The following OR9Q1 variants were observed in gnomAD, a reference collection of about 807,000 sequenced individuals.
OR9Q1 encodes olfactory receptor family 9 subfamily Q member 1.
For missense variants in OR9Q1, 374 were observed against 378.8 expected (o/e 0.99, Z 0.11); for synonymous variants, 153 against 148.6 (o/e 1.03, Z -0.22).
At chr11:58,043,400 G>T (rs1853185616) in intron 1 of OR9Q1, among the ~76,000 whole-genome samples, 1 of 152,082 alleles carries the variant, frequency 6.6e-6, no homozygotes, top group African/African-American at 2.4e-5. Flanking sequence ...TTGTCTATTT[G>T]TCTATTCATT....
intron 2 of OR9Q1, among the ~76,000 whole-genome samples, chr11:58,067,709 A>T (rs1472631731): frequency 6.6e-6 from 1 of 152,192 alleles, no homozygotes; most frequent in African/African-American, 2.4e-5. Flanking sequence ...CACATACAGC[A>T]GGAATGCTCT....
At chr11:58,043,330 C>T (rs140125680) in intron 1 of OR9Q1, among the ~76,000 whole-genome samples, 27 of 152,302 alleles carry the variant, frequency 1.8e-4, no homozygotes, top group Middle Eastern at 6.8e-3. Context: ...TCATCCAAAC[C>T]TGTGGCTTCA....
intron 1 of OR9Q1, among the ~76,000 whole-genome samples, chr11:58,037,227 T>G (rs184877185): frequency 1.3e-5 from 2 of 152,342 alleles, no homozygotes; most frequent in Non-Finnish European, 2.9e-5. Flanking sequence ...TAAAGTATTT[T>G]TAAAATTAAG....
chr11:58,060,543 T>C (rs1022441519), intron 2 of OR9Q1, among the ~76,000 whole-genome samples: 1 of 152,134 alleles, frequency 6.6e-6, no homozygotes, highest in African/African-American at 2.4e-5. Context: ...TGATTTCTGG[T>C]GGGCAGACCT....
intron 2 of OR9Q1, among the ~76,000 whole-genome samples, chr11:58,168,546 A>C (rs1854526639): frequency 6.6e-6 from 1 of 151,982 alleles, no homozygotes; most frequent in Non-Finnish European, 1.5e-5. Context: ...CACCTCTACA[A>C]ACTGTGTTTT....
chr11:58,042,377 T>C (rs897045784), intron 1 of OR9Q1, among the ~76,000 whole-genome samples: 9 of 152,046 alleles, frequency 5.9e-5, no homozygotes, highest in African/African-American at 1.9e-4. Context: ...TAGCCAGTTT[T>C]CCCAGCACCA....
chr11:58,133,824 G>T (rs968923899), intron 2 of OR9Q1, among the ~76,000 whole-genome samples: 2 of 152,166 alleles, frequency 1.3e-5, no homozygotes, highest in Admixed American at 1.3e-4. Flanking sequence ...AACAGGTAGG[G>T]TCTAAAATAG....
rs184603138 is a variant in OR9Q1 at position 58,118,196 on chromosome 11, T to C, written c.-14-61235T>C. 9.9e-5 allele frequency: 22 copies of C among 222,468 alleles called. No individual in the cohort carries two copies. The Admixed American group carries it at 1.2e-3, about 12-fold the overall frequency. 13.8% of individuals were successfully genotyped at this position (222,468 alleles called of 1,614,324 possible). A position where few individuals can be genotyped will look rare whatever the true frequency, so the allele number is the denominator to read the frequency against. On this transcript the variant is annotated intron_variant, in intron 2 of 2. Coordinates refer to ENST00000335397, the MANE Select transcript of OR9Q1 (RefSeq NM_001005212.4). ...AGGCATGAGTTGAGAGAGTATTGGG[T>C]TGGAATGAAATAAACTCAAGACTCC...
In OR9Q1 at chr11:58,031,715, T is replaced by A. The variant is rs1192913502; in HGVS notation, c.-93+7611T>A. 5 of 1,613,938 alleles carry A rather than the reference T, an allele frequency of 3.1e-6. No homozygotes were observed. In the African/African-American group the frequency reaches 5.3e-5, roughly 17 times the overall value. On this transcript the variant is annotated intron_variant, in intron 1 of 2. Coordinates refer to ENST00000335397, the MANE Select transcript of OR9Q1 (RefSeq NM_001005212.4). The stretch of plus-strand genomic sequence containing the variant: ...AGCTCACCTGACTGTGGTGAGCCTC[T>A]TCTATGGCACTCTTTTCTTTATGTA...
chr11:58,086,555 C>T (rs1192163487), intron 2 of OR9Q1, among the ~76,000 whole-genome samples: 1 of 151,822 alleles, frequency 6.6e-6, no homozygotes, highest in East Asian at 1.9e-4. Flanking sequence ...AATCTACCAT[C>T]CCATGTTCAT....
At chr11:58,122,649 C>G (rs996043751) in intron 2 of OR9Q1, among the ~76,000 whole-genome samples, 1 of 152,128 alleles carries the variant, frequency 6.6e-6, no homozygotes, top group Non-Finnish European at 1.5e-5. Flanking sequence ...GGCCTTTACT[C>G]CTCAGTTCCT....
At chr11:58,024,433 TGC>T (rs1240054787) in intron 1 of OR9Q1, among the ~76,000 whole-genome samples, 1 of 152,310 alleles carries the variant, frequency 6.6e-6, no homozygotes, top group East Asian at 1.9e-4. Flanking sequence ...GGCCCCCAGA[TGC>T]CAGGTGGAGA....
intron 2 of OR9Q1, among the ~76,000 whole-genome samples, chr11:58,084,228 T>A (rs1278580528): frequency 6.6e-6 from 1 of 151,928 alleles, no homozygotes; most frequent in South Asian, 2.1e-4. Context: ...TTATTATAAA[T>A]GGGATTATGT....
At chr11:58,066,422 G>A (rs1438747349) in intron 2 of OR9Q1, among the ~76,000 whole-genome samples, 2 of 152,088 alleles carry the variant, frequency 1.3e-5, no homozygotes, top group African/African-American at 4.8e-5. Context: ...TGTTGTCAGA[G>A]CGTCTGTGCC....
intron 2 of OR9Q1, chr11:58,108,964 C>A (rs7935428): frequency 0.23 from 89,946 of 394,746 alleles, 11,737 homozygotes; most frequent in Middle Eastern, 0.34. Flanking sequence ...CTTGGCTTAC[C>A]CACCTGCCGA....
At chr11:58,156,626 T>A (rs1854410551) in intron 2 of OR9Q1, among the ~76,000 whole-genome samples, 1 of 152,210 alleles carries the variant, frequency 6.6e-6, no homozygotes. Flanking sequence ...AAACATGTAT[T>A]TTCTTTATGA....
rs77797798 is a variant in OR9Q1, at chr11:58,114,213, A to G, written c.-15+58266A>G. 3.0e-4 allele frequency among the ~76,000 whole-genome samples: 45 copies of G among 152,288 alleles called. No individual in the cohort carries two copies. The East Asian group carries it at 7.5e-3, about 26-fold the overall frequency. On this transcript the variant is annotated intron_variant, in intron 2 of 2. Transcript: ENST00000335397. Reference sequence around the variant, plus strand: ...TCCAGGTGCCCAGCTGTTTTGCCTTATTTCCCAAACAACCCAATTAAGACC... The same window carrying G: ...TCCAGGTGCCCAGCTGTTTTGCCTTGTTTCCCAAACAACCCAATTAAGACC...
chr11:58,042,709 G>T (rs1376032665), intron 1 of OR9Q1, among the ~76,000 whole-genome samples: 1 of 152,074 alleles, frequency 6.6e-6, no homozygotes, highest in Admixed American at 6.5e-5. Flanking sequence ...TGATGGGGAT[G>T]GCATTGAATC....
chr11:58,085,293 T>C lies in OR9Q1; in HGVS notation c.-15+29346T>C, dbSNP rs114134934. On this transcript the variant is annotated intron_variant, in intron 2 of 2. Transcript: ENST00000335397. Reference sequence around the variant, plus strand: ...AAACTATTTAATGTATTTGATGAGTTTGACATATACATACCTGTGAGACCA... The same window carrying C: ...AAACTATTTAATGTATTTGATGAGTCTGACATATACATACCTGTGAGACCA... Among the ~76,000 whole-genome samples the C allele has an allele frequency of 4.3e-3, 651 of 151,940 alleles. 16 individuals carry two copies. Among genetic ancestry groups the C allele is most frequent in the African/African-American group, 0.015 (626 of 41,264 alleles).
Sources: gnomAD v4.1 joint callset for allele counts (sites outside exome capture counted in the v4.1 genomes callset) on GRCh38, gnomAD v4.1.1 for gene constraint, MANE v1.5 for transcripts, NCBI Gene and HGNC (gene_info 2026-07-23, HGNC 2026-07-21) for gene names.